RAPH1: variants seen among roughly 807,000 people sequenced by gnomAD.
The protein encoded by RAPH1 is ras-associated and pleckstrin homology domains-containing protein 1.
Under a neutral mutation model 88.1 loss-of-function variants are expected in RAPH1, and 18 were observed. The observed-to-expected ratio is 0.20, with a 90% CI of 0.14 to 0.30. The LOEUF is 0.30. RAPH1 is among the 10% of genes least tolerant of loss of function. RAPH1 has a pLI of 1.00. For missense variants in RAPH1, 1,448 were observed against 1,543.2 expected (o/e 0.94, Z 1.03); for synonymous variants, 587 against 559.0 (o/e 1.05, Z -0.71).
chr2:203,489,529 A>G lies in RAPH1; in HGVS notation c.732+55T>C, dbSNP rs1458387843. On this transcript the variant is annotated intron_variant, in intron 4 of 13. Transcript: ENST00000319170. ...AAGTTAATTAAAATTATTTTAATAT[A>G]ATTTCTCCTTTATTTTAATAACAAA... is the stretch of plus-strand genomic sequence containing the variant. 2.4e-6 allele frequency: 3 copies of G among 1,258,136 alleles called. No homozygotes were observed. In the East Asian group the frequency reaches 7.3e-5, roughly 31 times the overall value. The allele number at this position is 1,258,136 out of a possible 1,614,324, so 77.9% of individuals were successfully genotyped here.
At chr2:203,532,986 T>C (rs1035203702) in intron 1 of RAPH1, among the ~76,000 whole-genome samples, 2 of 152,190 alleles carry the variant, frequency 1.3e-5, no homozygotes, top group African/African-American at 4.8e-5. Context: ...AATCTGTGAA[T>C]AGTGTGACAG....
intron 4 of RAPH1, chr2:203,477,128 T>C (rs1687493245): frequency 6.2e-7 from 1 of 1,613,892 alleles, no homozygotes; most frequent in African/African-American, 1.3e-5. Flanking sequence ...CTTGGCCTGC[T>C]TGCTGGAACA....
chr2:203,448,125 T>A lies in RAPH1; in HGVS notation c.1513-46A>T. ...GGTGACATCTAAACTTTACTGAGTA[T>A]GATACAGAAGGATAAGGTGAAATGG... On this transcript the variant is annotated intron_variant, in intron 11 of 13. Coordinates refer to ENST00000319170, the MANE Select transcript of RAPH1 (RefSeq NM_213589.3). The surrounding 1 kb of genome is among the most constrained non-coding windows in gnomAD (Gnocchi z 4.1). The A allele has an allele frequency of 6.3e-7, 1 of 1,595,160 alleles. No individual in the cohort carries two copies. Among genetic ancestry groups the A allele is most frequent in the South Asian group, 1.1e-5 (1 of 89,340 alleles).
chr2:203,453,576 G>A lies in RAPH1; in HGVS notation c.1413+854C>T, dbSNP rs867166893. Reference sequence around the variant, plus strand: ...AAAAAAAAAAAAAAAAAAAAAAAAAGGTTGCTACTACAATGTACTGACTTT... The same window carrying A: ...AAAAAAAAAAAAAAAAAAAAAAAAAAGTTGCTACTACAATGTACTGACTTT... On this transcript the variant is annotated intron_variant, in intron 10 of 13. Transcript: ENST00000319170. Among the ~76,000 whole-genome samples the A allele has an allele frequency of 3.2e-3, 362 of 114,032 alleles. 7 individuals are homozygous for A. The highest frequency in any genetic ancestry group is 0.011 in the African/African-American group (327 of 29,350). The allele number at this position is 114,032 out of a possible 152,430, so 74.8% of individuals were successfully genotyped here.
rs2098511688 is a variant in RAPH1, at chr2:203,448,198, C to T, written c.1513-119G>A. The T allele has an allele frequency of 4.7e-6, 4 of 848,484 alleles. No homozygotes were observed. The highest frequency in any genetic ancestry group is 2.7e-5 in the South Asian group (1 of 37,076). The allele number at this position is 848,484 out of a possible 1,614,324, so 52.6% of individuals were successfully genotyped here. On this transcript the variant is annotated intron_variant, in intron 11 of 13. Transcript: ENST00000319170. The surrounding 1 kb of genome is among the most constrained non-coding windows in gnomAD (Gnocchi z 4.1). Reference sequence around the variant, plus strand: ...TTGATGGTCTGTATTAAAATTAATACCTATGATAGTTCAAAAATTCCTCTA... The same window carrying T: ...TTGATGGTCTGTATTAAAATTAATATCTATGATAGTTCAAAAATTCCTCTA...
intron 12 of RAPH1, chr2:203,447,706 T>C (rs903281896): frequency 7.1e-6 from 2 of 280,226 alleles, no homozygotes; most frequent in Admixed American, 9.6e-5. Context: ...TTTGAATAAA[T>C]TTTATAAATA....
At chr2:203,442,050 T>C (rs756268066) in intron 13 of RAPH1, 4 of 1,591,744 alleles carry the variant, frequency 2.5e-6, no homozygotes, top group Middle Eastern at 1.7e-4. Flanking sequence ...GCAATGCAGG[T>C]AAAGGGGGGA....
intron 1 of RAPH1, among the ~76,000 whole-genome samples, chr2:203,517,359 C>CAAAAAAAAAAAAAAAAAAAAAA (rs71408943): frequency 1.9e-4 from 6 of 32,156 alleles, no homozygotes; most frequent in Non-Finnish European, 3.0e-4. Context: ...CTATGAGAGG[C>CAAAAAAAAAAAAAAAAAAAAAA]AAAAAAAAAA....
chr2:203,463,194 T>C (rs1213354458), intron 4 of RAPH1, among the ~76,000 whole-genome samples: 2 of 142,152 alleles, frequency 1.4e-5, no homozygotes, highest in African/African-American at 5.5e-5. Flanking sequence ...AGAGCGAGAC[T>C]CCATCTCAAA....
chr2:203,459,191 C>T (rs2098522385), intron 7 of RAPH1, among the ~76,000 whole-genome samples: 1 of 152,120 alleles, frequency 6.6e-6, no homozygotes, highest in African/African-American at 2.4e-5. Flanking sequence ...TCATAACTGC[C>T]TACAAAAAGA....
At position 203,440,702 on chromosome 2, in the gene RAPH1, TA is replaced by T; in HGVS notation, c.2487del (p.Thr830ProfsTer33). 2 of 1,373,262 alleles carry T rather than the reference TA, an allele frequency of 1.5e-6. No homozygotes were observed. Among genetic ancestry groups the T allele is most frequent in the African/African-American group, 1.8e-5 (1 of 54,080 alleles). 85.1% of individuals were successfully genotyped at this position (1,373,262 alleles called of 1,614,324 possible). A position where few individuals can be genotyped will look rare whatever the true frequency, so the allele number is the denominator to read the frequency against. ...GGCGGGGGTACTGGAACAGGAGGGG[TA>T]GGGGGAGAGGGTGGAATGTAAGAAG... Reference protein sequence around the residue: ...FPASYIPPSPPTPPVPVPPPT... With the variant: ...FPASYIPPSPXTPPVPVPPPT... On this transcript the variant is annotated frameshift_variant, in exon 14 of 14. Transcript: ENST00000319170. LOFTEE classifies it high-confidence loss of function.
In RAPH1 at chr2:203,436,909, T is replaced by C. The variant is rs1306344801; in HGVS notation, c.*2528A>G. ...GAAGTATAAAGTATCACTTTAGTGG[T>C]TTTTTAAATTCAGTTCATACATGAG... On this transcript the variant is annotated 3_prime_UTR_variant, in exon 14 of 14. Transcript: ENST00000319170. 1 of 152,174 alleles carries C rather than the reference T, an allele frequency of 6.6e-6. No individual in the cohort carries two copies. Among genetic ancestry groups the C allele is most frequent in the African/African-American group, 2.4e-5 (1 of 41,428 alleles). The allele number at this position is 152,174 out of a possible 1,614,324, so 9.4% of individuals were successfully genotyped here. A position where few individuals can be genotyped will look rare whatever the true frequency, so the allele number is the denominator to read the frequency against.
intron 4 of RAPH1, among the ~76,000 whole-genome samples, chr2:203,467,852 C>T (rs1231638176): frequency 1.3e-5 from 2 of 151,918 alleles, no homozygotes; most frequent in South Asian, 2.1e-4. Flanking sequence ...ACTGCAGCCT[C>T]GACCTCCCAG....
At chr2:203,472,810 C>T (rs2098534319) in intron 4 of RAPH1, among the ~76,000 whole-genome samples, 1 of 152,090 alleles carries the variant, frequency 6.6e-6, no homozygotes, top group Non-Finnish European at 1.5e-5. Context: ...AAGATTTAAT[C>T]AGTTCTCAAA....
At position 203,506,759 on chromosome 2, in the gene RAPH1, T is replaced by TATATATATATCTATATATATCTAG. The variant is rs1689035666; in HGVS notation, c.1-11430_1-11407dup. On this transcript the variant is annotated intron_variant, in intron 1 of 13. Transcript: ENST00000319170. The stretch of plus-strand genomic sequence containing the variant: ...ATATATATCTATATATATATATATC[T>TATATATATATCTATATATATCTAG]ATATATATATCTATATATATCTAGA... 4.8e-5 allele frequency among the ~76,000 whole-genome samples: 6 copies of TATATATATATCTATATATATCTAG among 124,588 alleles called. No individual in the cohort carries two copies. The South Asian group carries it at 6.9e-4, about 14-fold the overall frequency. 81.7% of individuals were successfully genotyped at this position (124,588 alleles called of 152,430 possible). A position where few individuals can be genotyped will look rare whatever the true frequency, so the allele number is the denominator to read the frequency against.
rs1388795712 is a variant in RAPH1, at chr2:203,437,104, A to T, written c.*2333T>A. 6.6e-6 allele frequency: 1 copy of T among 152,174 alleles called. No individual in the cohort carries two copies. Among genetic ancestry groups the T allele is most frequent in the Non-Finnish European group, 1.5e-5 (1 of 68,034 alleles). The allele number at this position is 152,174 out of a possible 1,614,324, so 9.4% of individuals were successfully genotyped here. ...GATGTCTGCTATTCCAGGAAAACAGACCAGAAGCATCTGTTCAGGATGGCT... is the reference window on the plus strand; with the variant it reads ...GATGTCTGCTATTCCAGGAAAACAGTCCAGAAGCATCTGTTCAGGATGGCT... On this transcript the variant is annotated 3_prime_UTR_variant, in exon 14 of 14. Transcript: ENST00000319170.
At chr2:203,535,047 C>G (rs1204319066) in intron 1 of RAPH1, 64 bp downstream of exon 1, 2 of 152,048 alleles carry the variant, frequency 1.3e-5, no homozygotes, top group Non-Finnish European at 2.9e-5. Context: ...GCAGGAGCGC[C>G]TCACGGCCCC....
intron 12 of RAPH1, chr2:203,447,286 T>G (rs2098510825): frequency 1.3e-5 from 2 of 151,802 alleles, no homozygotes; most frequent in Non-Finnish European, 2.9e-5. Flanking sequence ...GAAACCTCTA[T>G]GATCTAGGGA....
Position 203,440,287 on chromosome 2 carries a change from C to A in RAPH1, c.2903G>T (p.Gly968Val). Residue 968 changes from glycine to valine, a missense_variant, in exon 14 of 14, where the codon GGA (glycine) becomes GTA (valine). Physicochemically the swap from Gly to Val is moderately radical, Grantham distance 109. This residue lies in a region of RAPH1 where 935 missense variants were observed against 890.1 expected (regional missense o/e 1.05). Transcript: ENST00000319170. The stretch of plus-strand genomic sequence containing the variant: ...CTGTGGGGTTGGGGGTGGTTTCTTT[C>A]CCCCAGGGCTGGACGTCTTACTGGT... ...KKTSKTSSPG[G>V]KKPPPTPQRN... The A allele has an allele frequency of 6.2e-7, 1 of 1,613,692 alleles. No homozygotes were observed. The highest frequency in any genetic ancestry group is 8.5e-7 in the Non-Finnish European group (1 of 1,179,934).
Sources: allele counts gnomAD v4.1 joint callset (sites outside exome capture counted in the v4.1 genomes callset), GRCh38; gene constraint gnomAD v4.1.1; regional missense constraint gnomAD v4.1.1; non-coding constraint Gnocchi (gnomAD v3.1); transcripts MANE v1.5; gene names NCBI Gene and HGNC (gene_info 2026-07-23, HGNC 2026-07-21).